Variants in ERCC6L2 observed in about 807,000 individuals in gnomAD.
ERCC6L2 encodes DNA excision repair protein ERCC-6-like 2.
Under a neutral mutation model 132.0 loss-of-function variants are expected in ERCC6L2, and 77 were observed. The observed-to-expected ratio is 0.58, with a 90% CI of 0.49 to 0.71. ERCC6L2 has a LOEUF of 0.71. ERCC6L2 is among the 30% of genes least tolerant of loss of function. The probability of loss-of-function intolerance (pLI) is 0.00; values close to 1 mark genes in which losing one functional copy is unlikely to be tolerated. For synonymous variants in ERCC6L2, 583 were observed against 632.4 expected (o/e 0.92, Z 1.17); for missense variants, 1,542 against 1,837.6 (o/e 0.84, Z 2.94).
intron 3 of ERCC6L2, 74 bp from the exon 4 acceptor site, chr9:95,907,004 G>A: frequency 1.0e-6 from 1 of 986,108 alleles, no homozygotes; most frequent in Non-Finnish European, 1.5e-6. Flanking sequence ...TATTGATATT[G>A]ATATTGTGGA....
intron 4 of ERCC6L2, 67 bp downstream of exon 4, chr9:95,907,338 G>GTTTTT (rs36115321): frequency 1.6e-4 from 88 of 545,964 alleles, no homozygotes; most frequent in South Asian, 4.1e-4. Flanking sequence ...TATATTAAGA[G>GTTTTT]TTTTTTTTTT....
At chr9:95,915,257 G>T (rs559145150) in intron 4 of ERCC6L2, among the ~76,000 whole-genome samples, 2 of 152,198 alleles carry the variant, frequency 1.3e-5, no homozygotes, top group East Asian at 1.9e-4. Context: ...CTTTCTTAGT[G>T]GACAGGGCTA....
downstream of ERCC6L2, chr9:96,021,382 C>A (rs895160311): frequency 1.7e-5 from 5 of 293,232 alleles, no homozygotes; most frequent in Non-Finnish European, 3.3e-5. The surrounding 1 kb of genome is among the most constrained non-coding windows in gnomAD (Gnocchi z 4.7). Context: ...GAAGCCCAGT[C>A]CCTCCCGGGC....
intron 19 of ERCC6L2, among the ~76,000 whole-genome samples, chr9:96,032,332 A>G (rs1834470743): frequency 2.0e-5 from 3 of 152,222 alleles, no homozygotes; most frequent in African/African-American, 7.2e-5. Context: ...AATCAGCTCT[A>G]CAAATGGAAA....
At chr9:95,956,715 A>T (rs1238217464) in intron 13 of ERCC6L2, among the ~76,000 whole-genome samples, 1 of 152,142 alleles carries the variant, frequency 6.6e-6, no homozygotes, top group Admixed American at 6.6e-5. Context: ...ATCTCTTGAG[A>T]ACTCAATATC....
chr9:96,012,634 AGTTCTACT>A lies in ERCC6L2; in HGVS notation c.4085_4092del (p.Ser1362ThrfsTer4). ...TGCAGAAACTAAGAAATCACCTGTTAGTTCTACTCAAGAGATTGACAGTGGGAAAAACA... is the reference window on the plus strand; with the variant it reads ...TGCAGAAACTAAGAAATCACCTGTTACAAGAGATTGACAGTGGGAAAAACA... On this transcript the variant is annotated frameshift_variant, in exon 19 of 19. Transcript: ENST00000653738. LOFTEE classifies it low-confidence loss of function (END_TRUNC). 4 of 1,367,660 alleles carry A rather than the reference AGTTCTACT, an allele frequency of 2.9e-6. No homozygotes were observed. The highest frequency in any genetic ancestry group is 2.9e-6 in the Non-Finnish European group (3 of 1,021,834). The allele number at this position is 1,367,660 out of a possible 1,614,324, so 84.7% of individuals were successfully genotyped here. A position where few individuals can be genotyped will look rare whatever the true frequency, so the allele number is the denominator to read the frequency against.
chr9:95,997,989 G>A (rs766070291), intron 17 of ERCC6L2, among the ~76,000 whole-genome samples: 1 of 152,276 alleles, frequency 6.6e-6, no homozygotes, highest in African/African-American at 2.4e-5. Context: ...GCACCAAAAT[G>A]TTTATAAAGT....
intron 11 of ERCC6L2, among the ~76,000 whole-genome samples, chr9:95,931,731 G>A (rs1345317697): frequency 2.6e-5 from 4 of 152,052 alleles, no homozygotes; most frequent in Non-Finnish European, 5.9e-5. Flanking sequence ...ACTCGTAAGA[G>A]TTTTTCTTCA....
chr9:96,010,587 C>A (rs1371348675), intron 18 of ERCC6L2, among the ~76,000 whole-genome samples: 3 of 152,188 alleles, frequency 2.0e-5, no homozygotes, highest in Non-Finnish European at 4.4e-5. Flanking sequence ...CATGCACCCT[C>A]TCCCCCTGGG....
chr9:96,012,228 A>G lies in ERCC6L2; in HGVS notation c.3678A>G (p.Lys1226=). The G allele has an allele frequency of 8.0e-7, 1 of 1,249,134 alleles. No individual in the cohort carries two copies. Among genetic ancestry groups the G allele is most frequent in the Non-Finnish European group, 1.0e-6 (1 of 961,188 alleles). 77.4% of individuals were successfully genotyped at this position (1,249,134 alleles called of 1,614,324 possible). ...GTTTTGTTCATTTAATCTTTAGAAA[A>G]CAATTTGAAGAAATGGCCTCTTATT... ...IGETPKGIRR[K]QFEEMASYFN... is the part of the protein sequence containing the mutation. Residue 1226 remains lysine (K), a synonymous_variant, in exon 19 of 19, where the codon AAA becomes AAG. Transcript: ENST00000653738.
intron 17 of ERCC6L2, among the ~76,000 whole-genome samples, chr9:95,991,737 A>G (rs1833309775): frequency 6.6e-6 from 1 of 152,220 alleles, no homozygotes; most frequent in Non-Finnish European, 1.5e-5. Context: ...GTAACGTGGT[A>G]TAATTAAATG....
At chr9:95,907,825 CT>C (rs1201142467) in intron 4 of ERCC6L2, among the ~76,000 whole-genome samples, 2 of 28,388 alleles carry the variant, frequency 7.0e-5, no homozygotes, top group Non-Finnish European at 6.1e-5. Context: ...GGGGCAAAAA[CT>C]ACACACACAC....
At chr9:95,926,758 C>A (rs761716661) in intron 9 of ERCC6L2, among the ~76,000 whole-genome samples, 45 of 152,164 alleles carry the variant, frequency 3.0e-4, no homozygotes, top group Non-Finnish European at 5.0e-4. Flanking sequence ...AATGAATAAA[C>A]CCTAATGTAA....
chr9:95,964,350 C>G (rs181394144), intron 13 of ERCC6L2, among the ~76,000 whole-genome samples: 40 of 152,226 alleles, frequency 2.6e-4, no homozygotes, highest in African/African-American at 9.6e-4. Flanking sequence ...CGACTTGCTC[C>G]CATCATTCTT....
In ERCC6L2 at chr9:96,012,660, GA is replaced by G. The variant is rs747447437; in HGVS notation, c.4115del (p.Asn1372ThrfsTer9). ...VSSTQEIDSGKNSQASEDTVT... is the reference protein window; with the variant it reads ...VSSTQEIDSGXNSQASEDTVT... ...GTTCTACTCAAGAGATTGACAGTGG[GA>G]AAAACAGCCAGGCATCCGAAGATAC... On this transcript the variant is annotated frameshift_variant, in exon 19 of 19. Coordinates refer to ENST00000653738, the MANE Select transcript of ERCC6L2 (RefSeq NM_020207.7). LOFTEE classifies it low-confidence loss of function (END_TRUNC). 2 of 1,367,466 alleles carry G rather than the reference GA, an allele frequency of 1.5e-6. No individual in the cohort carries two copies. Among genetic ancestry groups the G allele is most frequent in the African/African-American group, 3.0e-5 (2 of 67,694 alleles). The allele number at this position is 1,367,466 out of a possible 1,614,324, so 84.7% of individuals were successfully genotyped here.
chr9:95,932,299 C>T (rs1408172288), intron 11 of ERCC6L2, among the ~76,000 whole-genome samples: 7 of 152,060 alleles, frequency 4.6e-5, no homozygotes, highest in East Asian at 1.9e-4. Context: ...CTCCTGACCT[C>T]GTGATCTACC....
Position 96,014,900 on chromosome 9 carries a change from G to A in ERCC6L2, c.*1697G>A, listed in dbSNP as rs1834145442. Among the ~76,000 whole-genome samples, 2 of 151,158 alleles carry A rather than the reference G, an allele frequency of 1.3e-5. No homozygotes were observed. Among genetic ancestry groups the A allele is most frequent in the South Asian group, 4.2e-4 (2 of 4,762 alleles). On this transcript the variant is annotated 3_prime_UTR_variant, in exon 19 of 19. Transcript: ENST00000653738. ...TCAGCTATCTGAGGAACTCCAGTAA[G>A]TAGATACCACTTCATTTCAGTTTAT...
At chr9:95,907,308 A>G in intron 4 of ERCC6L2, 37 bp downstream of exon 4, 2 of 1,359,560 alleles carry the variant, frequency 1.5e-6, no homozygotes, top group South Asian at 1.4e-5. Context: ...GATTGTATTA[A>G]TAGTCTACTT....
At chr9:96,040,659 A>G (rs1390737981) in intron 20 of ERCC6L2, among the ~76,000 whole-genome samples, 1 of 151,992 alleles carries the variant, frequency 6.6e-6, no homozygotes, top group South Asian at 2.1e-4. Context: ...CCCTGCCATG[A>G]CTCTTATGTC....
Sources: gnomAD v4.1 joint callset for allele counts (sites outside exome capture counted in the v4.1 genomes callset) on GRCh38, gnomAD v4.1.1 for gene constraint, Gnocchi (gnomAD v3.1) non-coding constraint, MANE v1.5 for transcripts, NCBI Gene and HGNC (gene_info 2026-07-23, HGNC 2026-07-21) for gene names.